The following B3GALT1 variants were observed in gnomAD, a reference collection of about 807,000 sequenced individuals.
The protein encoded by B3GALT1 is UDP-Gal:betaGlcNAc beta 1,3-galactosyltransferase, polypeptide 1.
A neutral mutation model predicts 23.2 loss-of-function variants in B3GALT1; 10 were observed. That is an observed-to-expected ratio of 0.43 (90% CI 0.27 to 0.73). The LOEUF (loss-of-function observed/expected upper bound fraction) is 0.73, where lower values mean the gene tolerates loss of function less well. Ranked by LOEUF, B3GALT1 falls within the 30% of genes least tolerant of loss-of-function variation. The pLI, the probability that B3GALT1 is intolerant of heterozygous loss-of-function variation, is 0.21. For missense variants in B3GALT1, 299 were observed against 405.4 expected, an observed-to-expected ratio of 0.74 and a Z score of 2.25; for synonymous variants, 156 against 141.5, an observed-to-expected ratio of 1.10 and a Z score of -0.73.
chr2:167,703,411 A>C (rs934066329), intron 3 of B3GALT1, among the ~76,000 whole-genome samples: 1 of 152,194 alleles, frequency 6.6e-6, no homozygotes, highest in African/African-American at 2.4e-5. Flanking sequence ...CCCCTGACCC[A>C]TGCTGAAGTG....
At chr2:167,448,297 C>A (rs914783906) in intron 1 of B3GALT1, among the ~76,000 whole-genome samples, 10 of 151,822 alleles carry the variant, frequency 6.6e-5, no homozygotes, top group Admixed American at 4.6e-4. Flanking sequence ...TTTTTTTAAT[C>A]TTTTGATTAT....
At chr2:167,626,118 C>T (rs923658691) in intron 2 of B3GALT1, among the ~76,000 whole-genome samples, 2 of 151,100 alleles carry the variant, frequency 1.3e-5, no homozygotes, top group East Asian at 3.9e-4. Flanking sequence ...TGAAAAGAAA[C>T]ATGAAGTTGG....
At chr2:167,597,786 G>A (rs1684806671) in intron 2 of B3GALT1, among the ~76,000 whole-genome samples, 1 of 152,070 alleles carries the variant, frequency 6.6e-6, no homozygotes, top group East Asian at 1.9e-4. Context: ...CTGCTACTGG[G>A]GAAAACATGT....
intron 3 of B3GALT1, among the ~76,000 whole-genome samples, chr2:167,682,090 T>C (rs1686540186): frequency 6.6e-6 from 1 of 152,214 alleles, no homozygotes; most frequent in Non-Finnish European, 1.5e-5. Context: ...CCCCTTGTTC[T>C]ATGACTCACT....
chr2:167,584,804 G>A (rs1346116598), intron 2 of B3GALT1, among the ~76,000 whole-genome samples: 1 of 152,134 alleles, frequency 6.6e-6, no homozygotes, highest in Non-Finnish European at 1.5e-5. Context: ...ATATGGAAAG[G>A]GGCACGGAGC....
At chr2:167,604,518 T>C (rs1260491534) in intron 2 of B3GALT1, among the ~76,000 whole-genome samples, 1 of 152,210 alleles carries the variant, frequency 6.6e-6, no homozygotes, top group Non-Finnish European at 1.5e-5. Flanking sequence ...GGAAAGACTG[T>C]GTACATTTGT....
chr2:167,391,721 T>C (rs1698016702), intron 1 of B3GALT1, among the ~76,000 whole-genome samples: 1 of 152,164 alleles, frequency 6.6e-6, no homozygotes, highest in South Asian at 2.1e-4. Context: ...ACTTTACCCC[T>C]ATTTTCTTTC....
In B3GALT1 at chr2:167,713,527, T is replaced by TA. The variant is rs1254315616; in HGVS notation, c.-352+66562dup. 4.6e-6 allele frequency: 3 copies of TA among 645,268 alleles called. No homozygotes were observed. In the African/African-American group the frequency reaches 5.5e-5, roughly 12 times the overall value. 40.0% of individuals were successfully genotyped at this position (645,268 alleles called of 1,614,324 possible). On this transcript the variant is annotated intron_variant, in intron 3 of 4. Coordinates refer to ENST00000392690, the MANE Select transcript of B3GALT1 (RefSeq NM_020981.4). ...GTTTAAACCATCTTTATTTACAAAA[T>TA]ACTGTCCTGAGAACTGTAATTCCAT...
intron 1 of B3GALT1, among the ~76,000 whole-genome samples, chr2:167,376,541 G>A (rs1341403205): frequency 2.0e-5 from 3 of 152,004 alleles, no homozygotes; most frequent in Non-Finnish European, 4.4e-5. Flanking sequence ...CCTATTTAAT[G>A]TTTTCATTTC....
At chr2:167,512,302 G>A (rs963294214) in intron 2 of B3GALT1, among the ~76,000 whole-genome samples, 2 of 151,098 alleles carry the variant, frequency 1.3e-5, no homozygotes, top group African/African-American at 4.9e-5. Context: ...TATGAGTTAT[G>A]AATACATTTT....
At chr2:167,845,403 C>T (rs1412192607) in intron 4 of B3GALT1, among the ~76,000 whole-genome samples, 5 of 152,178 alleles carry the variant, frequency 3.3e-5, no homozygotes, top group Admixed American at 6.5e-5. Context: ...GGCCCATAGA[C>T]GATTCATATC....
intron 4 of B3GALT1, among the ~76,000 whole-genome samples, chr2:167,819,643 A>T (rs1215481356): frequency 1.3e-5 from 2 of 152,150 alleles, no homozygotes; most frequent in African/African-American, 4.8e-5. Flanking sequence ...TGTCCATGAA[A>T]TTGACAGTTA....
chr2:167,601,076 T>A (rs1684869298), intron 2 of B3GALT1, among the ~76,000 whole-genome samples: 1 of 151,180 alleles, frequency 6.6e-6, no homozygotes, highest in African/African-American at 2.5e-5. Context: ...TGTTTGTTTG[T>A]TTGAGAAGGA....
At chr2:167,867,148 G>C (rs372240157) in intron 4 of B3GALT1, among the ~76,000 whole-genome samples, 347 of 152,102 alleles carry the variant, frequency 2.3e-3, no homozygotes, top group East Asian at 6.4e-3. Flanking sequence ...GGATGGTCTC[G>C]ATCTCCTGAC....
chr2:167,639,612 G>A (rs1049650621), intron 2 of B3GALT1, among the ~76,000 whole-genome samples: 3 of 150,384 alleles, frequency 2.0e-5, no homozygotes, highest in Non-Finnish European at 4.4e-5. Context: ...TAGATAGACA[G>A]AGATACAGAG....
rs143744265 is a variant in B3GALT1, at chr2:167,526,186, A to AACAC, written c.-410+35925_-410+35928dup. Among the ~76,000 whole-genome samples the AACAC allele has an allele frequency of 2.9e-4, 43 of 150,338 alleles. No homozygotes were observed. In the South Asian group the frequency reaches 7.8e-3, roughly 27 times the overall value. ...GCCATGTTAGTGCACAGAGTTAGGT[A>AACAC]ACACACACACACACACACATATATG... On this transcript the variant is annotated intron_variant, in intron 2 of 4. Coordinates refer to ENST00000392690, the MANE Select transcript of B3GALT1 (RefSeq NM_020981.4).
intron 2 of B3GALT1, among the ~76,000 whole-genome samples, chr2:167,613,312 A>G (rs1685103057): frequency 6.6e-6 from 1 of 151,982 alleles, no homozygotes; most frequent in Non-Finnish European, 1.5e-5. Context: ...CAAGTAAAAT[A>G]TGGTACATTC....
intron 1 of B3GALT1, among the ~76,000 whole-genome samples, chr2:167,309,177 C>T (rs1489133504): frequency 2.0e-5 from 3 of 151,946 alleles, no homozygotes; most frequent in Admixed American, 2.0e-4. Flanking sequence ...GTAACTTGGT[C>T]TATATTTGGT....
At chr2:167,640,945 G>C (rs1014413361) in intron 2 of B3GALT1, among the ~76,000 whole-genome samples, 6 of 152,020 alleles carry the variant, frequency 3.9e-5, no homozygotes, top group Non-Finnish European at 5.9e-5. Context: ...GCTCAACAAT[G>C]GTCTGAATAT....
Sources: allele counts gnomAD v4.1 joint callset (sites outside exome capture counted in the v4.1 genomes callset), GRCh38; gene constraint gnomAD v4.1.1; transcripts MANE v1.5; gene names NCBI Gene and HGNC (gene_info 2026-07-23, HGNC 2026-07-21).